FAT3: variants seen among roughly 807,000 people sequenced by gnomAD.
FAT3 encodes the protein FAT atypical cadherin 3, also known as protocadherin Fat 3.
FAT3 carries 95 observed loss-of-function variants against 310.2 expected under a neutral mutation model. The observed-to-expected ratio is 0.31, with a 90% CI of 0.26 to 0.36. The LOEUF is 0.36. FAT3 is among the 10% of genes least tolerant of loss of function. The probability of loss-of-function intolerance (pLI) is 1.00; values close to 1 mark genes in which losing one functional copy is unlikely to be tolerated. For missense variants in FAT3, 5,408 were observed against 5,715.6 expected (o/e 0.95, Z 1.74); for synonymous variants, 2,314 against 2,192.9 (o/e 1.06, Z -1.54).
intron 13 of FAT3, among the ~76,000 whole-genome samples, chr11:92,819,489 G>T (rs1420228142): frequency 6.6e-6 from 1 of 152,166 alleles, no homozygotes; most frequent in African/African-American, 2.4e-5. Flanking sequence ...GCTGTTCCCA[G>T]AACCACACTT....
intron 3 of FAT3, among the ~76,000 whole-genome samples, chr11:92,566,684 A>G (rs1182114051): frequency 6.6e-6 from 1 of 150,400 alleles, no homozygotes; most frequent in African/African-American, 2.4e-5. Flanking sequence ...TGGTACCAAA[A>G]CAGAGATACT....
chr11:92,612,404 T>A (rs556632), intron 3 of FAT3, among the ~76,000 whole-genome samples: 85,390 of 152,144 alleles, frequency 0.56, 25,392 homozygotes, highest in African/African-American at 0.76. Context: ...GTTGGAGAAT[T>A]CAGCAGGACT....
chr11:92,418,459 AT>A (rs1250924605), intron 2 of FAT3, among the ~76,000 whole-genome samples: 3 of 123,498 alleles, frequency 2.4e-5, no homozygotes, highest in South Asian at 6.3e-4. Flanking sequence ...GAAAACAAAG[AT>A]TTCATCATAA....
chr11:92,774,060 T>C lies in FAT3; in HGVS notation c.4215T>C (p.Ala1405=), dbSNP rs148509249. 2,221 of 1,613,034 alleles carry C rather than the reference T, an allele frequency of 1.4e-3. 30 individuals carry two copies. The African/African-American group carries it at 0.027, about 19-fold the overall frequency. Residue 1405 remains alanine (A), a synonymous_variant, in exon 7 of 28, where the codon GCT becomes GCC. Coordinates refer to ENST00000525166, the MANE Select transcript of FAT3 (RefSeq NM_001367949.2). ...CATCAGGGGGGAATTTTGACAGCGC[T>C]TTTGATGCAGAGAAGGGTGTTGGGA... ...FDIVGGNFDS[A]FDAEKGVGTI...
chr11:92,594,427 G>C (rs1939599880), intron 3 of FAT3, among the ~76,000 whole-genome samples: 1 of 152,186 alleles, frequency 6.6e-6, no homozygotes, highest in African/African-American at 2.4e-5. Context: ...GAGTGACAGA[G>C]TGAGACTGCA....
At chr11:92,573,229 G>A (rs979095943) in intron 3 of FAT3, among the ~76,000 whole-genome samples, 1 of 152,082 alleles carries the variant, frequency 6.6e-6, no homozygotes, top group Non-Finnish European at 1.5e-5. Flanking sequence ...TACTTAAATA[G>A]GTGTGCCGTG....
At chr11:92,340,111 CAAAAAAA>C (rs56378818) in intron 1 of FAT3, among the ~76,000 whole-genome samples, 7 of 49,160 alleles carry the variant, frequency 1.4e-4, no homozygotes, top group Middle Eastern at 0.024. Context: ...GACTCCATCT[CAAAAAAA>C]AAAAAAAAAA....
chr11:92,393,849 G>A (rs1181736641), intron 2 of FAT3, among the ~76,000 whole-genome samples: 1 of 152,104 alleles, frequency 6.6e-6, no homozygotes, highest in Non-Finnish European at 1.5e-5. Flanking sequence ...TGGTCAGGGA[G>A]GGTCTCACTT....
At chr11:92,433,646 C>A (rs1321265243) in intron 2 of FAT3, among the ~76,000 whole-genome samples, 4 of 152,138 alleles carry the variant, frequency 2.6e-5, no homozygotes, top group Non-Finnish European at 5.9e-5. Flanking sequence ...ATTGGTCTCA[C>A]CGGGAGCTGC....
Position 92,859,326 on chromosome 11 carries a change from A to G in FAT3, c.11658+4A>G. ...AAATCCCTGCATAATTCTGAAGGTA[A>G]TTAAAATGGGTTATCTTTTTCTGCA... On this transcript the variant is annotated splice_donor_region_variant and intron_variant, in intron 21 of 27. Transcript: ENST00000525166. 2 of 1,580,834 alleles carry G rather than the reference A, an allele frequency of 1.3e-6. No individual in the cohort carries two copies. Among genetic ancestry groups the G allele is most frequent in the South Asian group, 1.2e-5 (1 of 86,462 alleles).
At chr11:92,651,334 G>C (rs573627314) in intron 3 of FAT3, among the ~76,000 whole-genome samples, 2 of 152,336 alleles carry the variant, frequency 1.3e-5, no homozygotes, top group East Asian at 3.9e-4. Flanking sequence ...AGGGAAACAA[G>C]CACCTTTGAT....
At position 92,654,284 on chromosome 11, in the gene FAT3, G is replaced by C. The variant is rs369229602; in HGVS notation, c.3608-43100G>C. ...TACAGTTTGGAAATCAGAGAGACTA[G>C]CATCTGGAGCATCTATACATGGATG... On this transcript the variant is annotated intron_variant, in intron 3 of 27. Transcript: ENST00000525166. 3.9e-5 allele frequency among the ~76,000 whole-genome samples: 6 copies of C among 152,250 alleles called. No individual in the cohort carries two copies. The East Asian group carries it at 1.2e-3, about 29-fold the overall frequency.
At chr11:92,460,013 A>G (rs995923882) in intron 2 of FAT3, among the ~76,000 whole-genome samples, 2 of 151,936 alleles carry the variant, frequency 1.3e-5, no homozygotes, top group Non-Finnish European at 2.9e-5. Flanking sequence ...TCTTTGGCCC[A>G]GGGTTTATTG....
intron 4 of FAT3, among the ~76,000 whole-genome samples, chr11:92,728,609 T>TC: frequency 6.6e-6 from 1 of 152,224 alleles, no homozygotes; most frequent in South Asian, 2.1e-4. Flanking sequence ...CAACAAGAAT[T>TC]TATTCTCTCA....
chr11:92,834,682 A>C (rs1362165025), intron 14 of FAT3, among the ~76,000 whole-genome samples, 188 bp from the exon 15 acceptor site: 1 of 152,236 alleles, frequency 6.6e-6, no homozygotes, highest in Non-Finnish European at 1.5e-5. Context: ...TGTTTGATGG[A>C]TAGCTATGCT....
intron 1 of FAT3, among the ~76,000 whole-genome samples, chr11:92,293,553 A>ATAT (rs1565206851): frequency 0.019 from 313 of 16,060 alleles, 9 homozygotes; most frequent in African/African-American, 0.041. Context: ...TATATATATA[A>ATAT]ATAAAATATA....
intron 2 of FAT3, among the ~76,000 whole-genome samples, chr11:92,411,064 T>TATATAATATATATAA (rs1036551172): frequency 7.0e-6 from 1 of 143,536 alleles, no homozygotes; most frequent in African/African-American, 2.6e-5. Flanking sequence ...TATATAAATA[T>TATATAATATATATAA]ATATAAATAT....
rs1286817382 is a variant in FAT3 at position 92,526,198 on chromosome 11, G to A, written c.3607+1250G>A. On this transcript the variant is annotated intron_variant, in intron 3 of 27. Coordinates refer to ENST00000525166, the MANE Select transcript of FAT3 (RefSeq NM_001367949.2). ...TAGATAAAATTCTCCATGCTTCTGC[G>A]GAACAGGCCTCCAACTTTCCTGGGA... Among the ~76,000 whole-genome samples the A allele has an allele frequency of 3.9e-5, 6 of 152,190 alleles. No homozygotes were observed. The South Asian group carries it at 6.2e-4, about 16-fold the overall frequency.
At chr11:92,760,245 A>G (rs1297622049) in intron 4 of FAT3, among the ~76,000 whole-genome samples, 4 of 152,244 alleles carry the variant, frequency 2.6e-5, no homozygotes, top group Non-Finnish European at 4.4e-5. Context: ...AATTTATCTT[A>G]AGTCTATTAA....
Sources: allele counts gnomAD v4.1 joint callset (sites outside exome capture counted in the v4.1 genomes callset), GRCh38; gene constraint gnomAD v4.1.1; transcripts MANE v1.5; gene names NCBI Gene and HGNC (gene_info 2026-07-23, HGNC 2026-07-21).